The following ARAP2 variants were observed in gnomAD, a reference collection of about 807,000 sequenced individuals.
ARAP2 encodes the protein arf-GAP with Rho-GAP domain, ANK repeat and PH domain-containing protein 2.
ARAP2 carries 148 observed loss-of-function variants against 194.5 expected under a neutral mutation model. That is an observed-to-expected ratio of 0.76 (90% CI 0.67 to 0.87). The LOEUF is 0.87. Among genes scored for constraint, ARAP2 ranks in the 40% least tolerant of loss-of-function variants. The pLI is 0.00. For missense variants in ARAP2, 2,128 were observed against 1,989.7 expected (o/e 1.07, Z -1.32); for synonymous variants, 695 against 683.5 (o/e 1.02, Z -0.26).
In ARAP2 at chr4:36,010,784, C is replaced by T. The variant is rs182566185; in HGVS notation, n.1325+1779G>A. On this transcript the variant is annotated intron_variant and non_coding_transcript_variant, in intron 9 of 12. Transcript: ENST00000503225. ...TCCCCAAACATTTCCAGCTCTCTGA[C>T]TTGCGGGATATATGGTAAGATAGCA... Among the ~76,000 whole-genome samples, 381 of 152,242 alleles carry T rather than the reference C, an allele frequency of 2.5e-3. 2 individuals carry two copies. Among genetic ancestry groups the T allele is most frequent in the African/African-American group, 8.8e-3 (366 of 41,554 alleles).
chr4:36,229,047 G>T lies in ARAP2; in HGVS notation c.440C>A (p.Ser147Tyr), dbSNP rs748176637. 1.4e-5 allele frequency: 22 copies of T among 1,613,978 alleles called. No individual in the cohort carries two copies. The highest frequency in any genetic ancestry group is 1.7e-5 in the Non-Finnish European group (20 of 1,180,016). Residue 147 changes from serine (S) to tyrosine (Y), a missense_variant, in exon 2 of 33, where the codon TCT becomes TAT. Coordinates refer to ENST00000303965, the MANE Select transcript of ARAP2 (RefSeq NM_015230.4). Reference sequence around the variant, plus strand: ...AGTGGGGAAGTCGCGTTTAGGAGGAGACAGCTTATCATCTGATTGAGGATA... The same window carrying T: ...AGTGGGGAAGTCGCGTTTAGGAGGATACAGCTTATCATCTGATTGAGGATA... Reference protein sequence around the residue: ...SQYPQSDDKLSPPKRDFPTAE... With the variant: ...SQYPQSDDKLYPPKRDFPTAE...
At chr4:36,200,655 G>T (rs1272575382) in intron 6 of ARAP2, among the ~76,000 whole-genome samples, 1 of 152,154 alleles carries the variant, frequency 6.6e-6, no homozygotes, top group Non-Finnish European at 1.5e-5. Flanking sequence ...AGCTTGAGAA[G>T]TCCTGTGCTT....
At chr4:36,167,200 G>C (rs1001171700) in intron 9 of ARAP2, among the ~76,000 whole-genome samples, 153 bp from the exon 10 acceptor site, 1 of 152,038 alleles carries the variant, frequency 6.6e-6, no homozygotes, top group Non-Finnish European at 1.5e-5. Context: ...TAATAGCACT[G>C]GGCCAACTTA....
intron 6 of ARAP2, among the ~76,000 whole-genome samples, chr4:36,196,232 C>G (rs1743083299): frequency 6.6e-6 from 1 of 152,222 alleles, no homozygotes; most frequent in South Asian, 2.1e-4. Context: ...AGAATTCCAT[C>G]ACCATCTTGA....
chr4:36,110,604 A>C (rs1719710668), intron 26 of ARAP2, among the ~76,000 whole-genome samples: 1 of 151,962 alleles, frequency 6.6e-6, no homozygotes, highest in African/African-American at 2.4e-5. Context: ...CTCTTATGGA[A>C]GAGAATCTAA....
intron 5 of ARAP2, among the ~76,000 whole-genome samples, chr4:36,035,398 A>G (rs1719733756): frequency 6.6e-6 from 1 of 152,036 alleles, no homozygotes; most frequent in Non-Finnish European, 1.5e-5. Context: ...CATTGTGTGA[A>G]TATATTTATA....
At chr4:36,060,558 C>T (rs1724259625) in intron 1 of ARAP2, among the ~76,000 whole-genome samples, 1 of 152,084 alleles carries the variant, frequency 6.6e-6, no homozygotes, top group Non-Finnish European at 1.5e-5. Context: ...GTATTCTGCT[C>T]ATCATATATC....
chr4:36,075,736 A>T (rs1728104933), intron 31 of ARAP2, among the ~76,000 whole-genome samples: 1 of 152,078 alleles, frequency 6.6e-6, no homozygotes. Context: ...GTTCTCTATC[A>T]TACTTGCCTG....
At chr4:36,084,923 C>A (rs967738003) in intron 28 of ARAP2, among the ~76,000 whole-genome samples, 3 of 151,952 alleles carry the variant, frequency 2.0e-5, no homozygotes, top group Non-Finnish European at 4.4e-5. Context: ...AATTTAACCA[C>A]TGAGTCATAG....
chr4:36,138,853 T>C (rs986978051), intron 19 of ARAP2, among the ~76,000 whole-genome samples: 2 of 151,708 alleles, frequency 1.3e-5, no homozygotes, highest in Non-Finnish European at 3.0e-5. Context: ...TGCCAACACT[T>C]TGCACTGCCA....
intron 21 of ARAP2, among the ~76,000 whole-genome samples, chr4:36,126,638 T>C (rs1020845024): frequency 3.3e-5 from 5 of 152,046 alleles, no homozygotes; most frequent in Admixed American, 6.6e-5. Context: ...TAAACTATAC[T>C]GTTGGCAAAA....
At position 36,114,070 on chromosome 4, in the gene ARAP2, A is replaced by G. The variant is rs537748822; in HGVS notation, c.4156+100T>C. On this transcript the variant is annotated intron_variant, in intron 26 of 32. Transcript: ENST00000303965. ...CATGCACTAAGGTAAAAAAAATCAT[A>G]ACAAGATGTTAAGACATAAAATGTT... 36 of 905,250 alleles carry G rather than the reference A, an allele frequency of 4.0e-5. No homozygotes were observed. In the East Asian group the frequency reaches 8.9e-4, roughly 22 times the overall value. 56.1% of individuals were successfully genotyped at this position (905,250 alleles called of 1,614,324 possible). A position where few individuals can be genotyped will look rare whatever the true frequency, so the allele number is the denominator to read the frequency against.
At position 36,158,879 on chromosome 4, in the gene ARAP2, GA is replaced by G. The variant is rs760639778; in HGVS notation, c.2618-16del. 1 of 1,574,256 alleles carries G rather than the reference GA, an allele frequency of 6.4e-7. No homozygotes were observed. The highest frequency in any genetic ancestry group is 8.6e-7 in the Non-Finnish European group (1 of 1,166,790). The stretch of plus-strand genomic sequence containing the variant: ...TTGAGGGAAATCTAGAAAAATTAAA[GA>G]AATAAGGCACAAGAAATCTAAAATG... On this transcript the variant is annotated splice_polypyrimidine_tract_variant and intron_variant, in intron 14 of 32. Transcript: ENST00000303965.
At chr4:36,072,314 C>A (rs1200962445) in intron 32 of ARAP2, among the ~76,000 whole-genome samples, 1 of 151,996 alleles carries the variant, frequency 6.6e-6, no homozygotes, top group East Asian at 1.9e-4. Flanking sequence ...AGCTTGTAAA[C>A]ACTTTATAGT....
At chr4:36,055,940 T>C (rs941103187) in intron 2 of ARAP2, among the ~76,000 whole-genome samples, 3 of 152,212 alleles carry the variant, frequency 2.0e-5, no homozygotes, top group Non-Finnish European at 2.9e-5. Context: ...GTAATAATAA[T>C]ACATACATGA....
chr4:36,200,084 TA>T (rs1326620330), intron 6 of ARAP2, among the ~76,000 whole-genome samples: 1 of 152,214 alleles, frequency 6.6e-6, no homozygotes, highest in African/African-American at 2.4e-5. Context: ...TTTTTAAACC[TA>T]AATTCATATA....
intron 19 of ARAP2, among the ~76,000 whole-genome samples, chr4:36,137,861 C>T (rs180849790): frequency 1.6e-4 from 25 of 151,798 alleles, no homozygotes; most frequent in African/African-American, 5.5e-4. Flanking sequence ...ATTTCTGTTG[C>T]CTTTCTTCTT....
intron 5 of ARAP2, among the ~76,000 whole-genome samples, chr4:36,028,222 G>C (rs942493473): frequency 6.6e-6 from 1 of 152,048 alleles, no homozygotes; most frequent in Non-Finnish European, 1.5e-5. Flanking sequence ...TTAGAAAGAA[G>C]ATTTCCTTTT....
chr4:36,077,882 T>A (rs1728610412), intron 31 of ARAP2, among the ~76,000 whole-genome samples: 1 of 152,114 alleles, frequency 6.6e-6, no homozygotes, highest in Non-Finnish European at 1.5e-5. Flanking sequence ...GCTGGCCCCA[T>A]TCCTGAATGA....
Sources: gnomAD v4.1 joint callset for allele counts (sites outside exome capture counted in the v4.1 genomes callset) on GRCh38, gnomAD v4.1.1 for gene constraint, MANE v1.5 for transcripts, NCBI Gene and HGNC (gene_info 2026-07-23, HGNC 2026-07-21) for gene names.